The following MAP3K7CL variants were observed in gnomAD, a reference collection of about 807,000 sequenced individuals.
The protein encoded by MAP3K7CL is MAP3K7 C-terminal-like protein.
MAP3K7CL carries 16 observed loss-of-function variants against 18.6 expected under a neutral mutation model. The ratio of observed to expected loss-of-function variants is 0.86; its 90% confidence interval spans 0.58 to 1.31. The LOEUF is 1.31. Among genes scored for constraint, MAP3K7CL ranks in the 50% most tolerant of loss-of-function variants. The pLI is 0.00. For synonymous variants in MAP3K7CL, 65 were observed against 66.8 expected (o/e 0.97, Z 0.13); for missense variants, 163 against 174.4 (o/e 0.93, Z 0.37).
At chr21:29,164,573 A>G (rs1219169549) in intron 4 of MAP3K7CL, among the ~76,000 whole-genome samples, 1 of 152,228 alleles carries the variant, frequency 6.6e-6, no homozygotes, top group Non-Finnish European at 1.5e-5. Context: ...AATTTGTCTT[A>G]AGAGGCGTGA....
chr21:29,095,141 T>TA (rs56280623), intron 4 of MAP3K7CL, among the ~76,000 whole-genome samples: 44 of 136,060 alleles, frequency 3.2e-4, no homozygotes, highest in East Asian at 4.4e-4. Flanking sequence ...CTCATTCATT[T>TA]AAAAAAAAAA....
At chr21:29,124,353 C>CAAAAAAAAAAAAAAAAA (rs59499297) in intron 4 of MAP3K7CL, among the ~76,000 whole-genome samples, 1 of 78,608 alleles carries the variant, frequency 1.3e-5, no homozygotes. Flanking sequence ...GACTCCGTCT[C>CAAAAAAAAAAAAAAAAA]AAAAAAAAAA....
chr21:29,115,549 A>G (rs940726281), intron 4 of MAP3K7CL, among the ~76,000 whole-genome samples: 7 of 152,352 alleles, frequency 4.6e-5, no homozygotes, highest in African/African-American at 1.7e-4. Context: ...CTTGACTTCA[A>G]AAATGACTAG....
At chr21:29,122,788 G>A (rs1460591970) in intron 4 of MAP3K7CL, among the ~76,000 whole-genome samples, 1 of 152,160 alleles carries the variant, frequency 6.6e-6, no homozygotes, top group Non-Finnish European at 1.5e-5. Context: ...AGGAATGCAT[G>A]TTCTTACTTT....
chr21:29,173,277 CATT>C (rs1471498664), intron 4 of MAP3K7CL, among the ~76,000 whole-genome samples: 1 of 152,206 alleles, frequency 6.6e-6, no homozygotes, highest in Non-Finnish European at 1.5e-5. Flanking sequence ...TCCACATCTA[CATT>C]ATTATTGACT....
chr21:29,107,478 T>C (rs1256315456), intron 4 of MAP3K7CL, among the ~76,000 whole-genome samples: 5 of 152,044 alleles, frequency 3.3e-5, no homozygotes, highest in African/African-American at 1.2e-4. Flanking sequence ...GCAGGAAAAG[T>C]GGTGTAAGTG....
intron 4 of MAP3K7CL, among the ~76,000 whole-genome samples, chr21:29,097,090 C>T (rs2086136107): frequency 1.3e-5 from 2 of 152,002 alleles, no homozygotes; most frequent in Admixed American, 1.3e-4. Flanking sequence ...GATTGGCTGT[C>T]CCACCAAAAT....
chr21:29,101,703 C>T (rs1022639497), intron 4 of MAP3K7CL, among the ~76,000 whole-genome samples: 4 of 152,196 alleles, frequency 2.6e-5, no homozygotes, highest in Middle Eastern at 3.4e-3. Flanking sequence ...GCACCGTGCC[C>T]GGCCACATTT....
At chr21:29,152,167 G>C (rs887410048) in intron 3 of MAP3K7CL, among the ~76,000 whole-genome samples, 1 of 152,202 alleles carries the variant, frequency 6.6e-6, no homozygotes, top group Non-Finnish European at 1.5e-5. Context: ...CCTCTGTCTA[G>C]AGCTGTTGCC....
intron 4 of MAP3K7CL, among the ~76,000 whole-genome samples, chr21:29,172,403 G>T (rs942740050): frequency 2.0e-5 from 3 of 152,130 alleles, no homozygotes; most frequent in African/African-American, 7.2e-5. Context: ...GAAATGATGT[G>T]TGTTTCACAG....
intron 4 of MAP3K7CL, chr21:29,102,511 C>A (rs2086251086): frequency 7.1e-6 from 1 of 140,242 alleles, no homozygotes; most frequent in African/African-American, 2.7e-5. Context: ...AACACAGGGT[C>A]TCGCTATGTT....
chr21:29,113,118 T>C (rs947855793), intron 4 of MAP3K7CL, among the ~76,000 whole-genome samples: 1 of 152,308 alleles, frequency 6.6e-6, no homozygotes, highest in Middle Eastern at 3.4e-3. Context: ...TCTTATTTTC[T>C]TTTCCTCTTC....
At chr21:29,133,852 C>T (rs899772193) in intron 2 of MAP3K7CL, among the ~76,000 whole-genome samples, 1 of 152,192 alleles carries the variant, frequency 6.6e-6, no homozygotes, top group African/African-American at 2.4e-5. Flanking sequence ...CACTGGTGCT[C>T]CCACACTTCT....
intron 4 of MAP3K7CL, among the ~76,000 whole-genome samples, chr21:29,165,317 A>T (rs985577340): frequency 6.6e-6 from 1 of 152,112 alleles, no homozygotes; most frequent in South Asian, 2.1e-4. Flanking sequence ...AGAATGTTTT[A>T]TTTATTCATT....
chr21:29,124,581 T>A (rs1328242879), intron 4 of MAP3K7CL, among the ~76,000 whole-genome samples: 1 of 152,230 alleles, frequency 6.6e-6, no homozygotes, highest in Non-Finnish European at 1.5e-5. Flanking sequence ...AGTCCATGCT[T>A]GCTTGTTGGC....
upstream of MAP3K7CL, among the ~76,000 whole-genome samples, chr21:29,081,502 G>A (rs2085834395): frequency 6.6e-6 from 1 of 152,198 alleles, no homozygotes; most frequent in South Asian, 2.1e-4. Context: ...GCAGTGAGCC[G>A]AGATCGCGCC....
chr21:29,135,151 G>A (rs1441461480), intron 2 of MAP3K7CL, among the ~76,000 whole-genome samples: 1 of 152,130 alleles, frequency 6.6e-6, no homozygotes, highest in Non-Finnish European at 1.5e-5. Flanking sequence ...CACACTGTTT[G>A]TAGGTAATGG....
chr21:29,102,529 C>T (rs1568936618), intron 4 of MAP3K7CL: 1 of 139,996 alleles, frequency 7.1e-6, no homozygotes, highest in East Asian at 2.1e-4. Context: ...GTTGCCCAGG[C>T]TGGTCTGGAA....
intron 3 of MAP3K7CL, among the ~76,000 whole-genome samples, chr21:29,155,773 T>G (rs2776250): frequency 0.3 from 46,001 of 151,962 alleles, 7,981 homozygotes; most frequent in Non-Finnish European, 0.38. Flanking sequence ...GGAGGAAAAG[T>G]GGGCGAGGAG....
Sources: allele counts gnomAD v4.1 joint callset (sites outside exome capture counted in the v4.1 genomes callset), GRCh38; gene constraint gnomAD v4.1.1; transcripts MANE v1.5; gene names NCBI Gene and HGNC (gene_info 2026-07-23, HGNC 2026-07-21).